Variants in SPART observed in about 807,000 individuals in gnomAD.
SPART encodes the protein spartin, also known as spastic paraplegia 20 (Troyer syndrome).
A neutral mutation model predicts 58.7 loss-of-function variants in SPART; 35 were observed. The observed-to-expected ratio is 0.60, with a 90% CI of 0.46 to 0.79. The LOEUF (loss-of-function observed/expected upper bound fraction) is 0.79, where lower values mean the gene tolerates loss of function less well. SPART is among the 30% of genes least tolerant of loss of function. The pLI, the probability that SPART is intolerant of heterozygous loss-of-function variation, is 0.00. For missense variants in SPART, 730 were observed against 786.1 expected, an observed-to-expected ratio of 0.93 and a Z score of 0.85; for synonymous variants, 284 against 280.7, an observed-to-expected ratio of 1.01 and a Z score of -0.12.
chr13:36,312,117 T>G, intron 8 of SPART, 28 bp downstream of exon 8: 1 of 1,588,248 alleles, frequency 6.3e-7, no homozygotes, highest in Non-Finnish European at 8.6e-7. Context: ...AAACAGAGAT[T>G]TAGTCATTAA....
intron 1 of SPART, among the ~76,000 whole-genome samples, chr13:36,359,539 C>T (rs1186216383): frequency 6.6e-6 from 1 of 152,208 alleles, no homozygotes; most frequent in Admixed American, 6.5e-5. Flanking sequence ...GTCTTACCTA[C>T]TACCTACATG....
chr13:36,362,890 T>C (rs541042536), intron 1 of SPART, among the ~76,000 whole-genome samples: 1 of 152,318 alleles, frequency 6.6e-6, no homozygotes, highest in East Asian at 1.9e-4. Context: ...TTTTCCAAAA[T>C]GCTGGCAGTA....
chr13:36,323,057 G>A (rs1882574862), intron 5 of SPART, among the ~76,000 whole-genome samples: 1 of 152,138 alleles, frequency 6.6e-6, no homozygotes, highest in South Asian at 2.1e-4. Flanking sequence ...AAATCTTAGG[G>A]AGGCATCATA....
At chr13:36,349,099 A>T (rs138096610), upstream of SPART, among the ~76,000 whole-genome samples, 8 of 152,262 alleles carry the variant, frequency 5.3e-5, 1 homozygote, top group East Asian at 1.5e-3. Context: ...CCCGGTCTCT[A>T]CTAAAAATAC....
chr13:36,338,820 GATC>G (rs999159928), intron 1 of SPART, among the ~76,000 whole-genome samples: 66 of 152,204 alleles, frequency 4.3e-4, no homozygotes, highest in African/African-American at 1.6e-3. Context: ...TGAGGAATCT[GATC>G]ATCACCAAGA....
chr13:36,324,275 G>A (rs979256445), intron 5 of SPART, among the ~76,000 whole-genome samples: 1 of 152,188 alleles, frequency 6.6e-6, no homozygotes, highest in Non-Finnish European at 1.5e-5. Context: ...TGGTAATGCA[G>A]CTTCTGTCTG....
At chr13:36,319,100 C>T (rs1882071737) in intron 5 of SPART, among the ~76,000 whole-genome samples, 1 of 151,662 alleles carries the variant, frequency 6.6e-6, no homozygotes, top group East Asian at 1.9e-4. Flanking sequence ...GTATTGACGG[C>T]CAGGCTTCTA....
At chr13:36,316,418 G>C (rs1312712384) in intron 5 of SPART, among the ~76,000 whole-genome samples, 1 of 152,010 alleles carries the variant, frequency 6.6e-6, no homozygotes, top group African/African-American at 2.4e-5. Flanking sequence ...AATCACAAAA[G>C]TGAATATGCC....
chr13:36,357,227 GGACC>G (rs1885654423), intron 1 of SPART, among the ~76,000 whole-genome samples: 1 of 152,114 alleles, frequency 6.6e-6, no homozygotes, highest in African/African-American at 2.4e-5. Flanking sequence ...GCTTTATCTG[GGACC>G]TGCTTCCTGA....
chr13:36,349,680 T>C (rs1225986751), upstream of SPART, among the ~76,000 whole-genome samples: 1 of 152,244 alleles, frequency 6.6e-6, no homozygotes, highest in Non-Finnish European at 1.5e-5. Flanking sequence ...GAAGCTGAAC[T>C]GAGCTTTCCT....
rs1291719068 is a variant in SPART at position 36,312,190 on chromosome 13, A to G, written c.1688T>C (p.Ile563Thr). 1 of 1,614,192 alleles carries G rather than the reference A, an allele frequency of 6.2e-7. No individual in the cohort carries two copies. The highest frequency in any genetic ancestry group is 2.2e-5 in the East Asian group (1 of 44,872). Residue 563 changes from isoleucine (I) to threonine (T), a missense_variant, in exon 8 of 9, where the codon ATC becomes ACC. Transcript: ENST00000438666. ...AGTTTCTGCTGAAACATTGTTAACG[A>G]TGCATTTAGCTGCACATTCCAATCC... is the stretch of plus-strand genomic sequence containing the variant. ...WQGLECAAKC[I>T]VNNVSAETVQ...
Position 36,326,626 on chromosome 13 carries a change from G to C in SPART, c.1237C>G (p.Pro413Ala). 6.2e-7 allele frequency: 1 copy of C among 1,613,318 alleles called. No individual in the cohort carries two copies. Among genetic ancestry groups the C allele is most frequent in the Non-Finnish European group, 8.5e-7 (1 of 1,179,818 alleles). ...TCACTCCATTCAGGTAATTCTTTTG[G>C]CTTTTCTTCTGGAACTGGCTCACAT... ...VPCEPVPEEK[P>A]KELPEWSEKV... is the part of the protein sequence containing the mutation. Residue 413 changes from proline to alanine, a missense_variant, in exon 5 of 9, where the codon CCA (proline) becomes GCA (alanine). Transcript: ENST00000438666.
At chr13:36,355,835 A>G (rs1340033571) in intron 1 of SPART, among the ~76,000 whole-genome samples, 2 of 116,538 alleles carry the variant, frequency 1.7e-5, no homozygotes, top group Admixed American at 8.7e-5. Flanking sequence ...TCATTAAAGT[A>G]ATGGCAAAAA....
rs1220692684 is a variant in SPART at position 36,367,608 on chromosome 13, T to TA, written c.-3+2480dup. Among the ~76,000 whole-genome samples, 359 of 148,854 alleles carry TA rather than the reference T, an allele frequency of 2.4e-3. 2 individuals are homozygous for TA. Among genetic ancestry groups the TA allele is most frequent in the African/African-American group, 8.0e-3 (325 of 40,562 alleles). ...TAAACTCTCCGCTCTTAAAACCATT[T>TA]AAAAAAAAAACTTAAAATAATTAAA... On this transcript the variant is annotated intron_variant, in intron 1 of 8. Transcript: ENST00000355182.
At chr13:36,309,505 C>T (rs1040000581) in intron 8 of SPART, among the ~76,000 whole-genome samples, 1 of 152,128 alleles carries the variant, frequency 6.6e-6, no homozygotes, top group Non-Finnish European at 1.5e-5. Flanking sequence ...CAACAGTGGA[C>T]TGCACAAAGA....
chr13:36,313,611 C>T (rs1386763537), intron 6 of SPART, among the ~76,000 whole-genome samples: 1 of 152,156 alleles, frequency 6.6e-6, no homozygotes, highest in South Asian at 2.1e-4. Context: ...ATTCTTGCTG[C>T]ACCTTTTCTA....
At position 36,331,726 on chromosome 13, in the gene SPART, T is replaced by G. The variant is rs1883484444; in HGVS notation, c.811-130A>C. The G allele has an allele frequency of 4.4e-6, 3 of 686,754 alleles. No individual in the cohort carries two copies. The East Asian group carries it at 8.3e-5, about 19-fold the overall frequency. The allele number at this position is 686,754 out of a possible 1,614,324, so 42.5% of individuals were successfully genotyped here. On this transcript the variant is annotated intron_variant, in intron 2 of 8. Transcript: ENST00000438666. ...AAGTTGGAAACATATTTTAAAAGGC[T>G]TTAAGAAACATCAACATCAACAAAT... is the stretch of plus-strand genomic sequence containing the variant.
At chr13:36,304,887 A>C (rs1880355778) in intron 8 of SPART, among the ~76,000 whole-genome samples, 1 of 152,170 alleles carries the variant, frequency 6.6e-6, no homozygotes, top group African/African-American at 2.4e-5. Context: ...TGTAATAAAG[A>C]CTGTCAAGTA....
At chr13:36,365,373 A>G (rs544021302) in intron 1 of SPART, 44 of 306,754 alleles carry the variant, frequency 1.4e-4, no homozygotes, top group Non-Finnish European at 2.6e-4. Flanking sequence ...GTGTATGTGT[A>G]TGTGTGTTCT....
Sources: gnomAD v4.1 joint callset for allele counts (sites outside exome capture counted in the v4.1 genomes callset) on GRCh38, gnomAD v4.1.1 for gene constraint, MANE v1.5 for transcripts, NCBI Gene and HGNC (gene_info 2026-07-23, HGNC 2026-07-21) for gene names.